PPARGC1A: variants seen among roughly 807,000 people sequenced by gnomAD.
PPARGC1A encodes peroxisome proliferator-activated receptor gamma coactivator 1-alpha.
A neutral mutation model predicts 88.7 loss-of-function variants in PPARGC1A; 25 were observed. The observed-to-expected ratio is 0.28, with a 90% CI of 0.21 to 0.39. The LOEUF (loss-of-function observed/expected upper bound fraction) is 0.39. Among genes scored for constraint, PPARGC1A ranks in the 10% least tolerant of loss-of-function variants. The pLI is 1.00. For missense variants in PPARGC1A, 880 were observed against 968.7 expected (o/e 0.91, Z 1.22); for synonymous variants, 363 against 355.6 (o/e 1.02, Z -0.24).
the PPARGC1A span, among the ~76,000 whole-genome samples, chr4:23,953,703 A>C: frequency 6.6e-6 from 1 of 152,054 alleles, no homozygotes; most frequent in Non-Finnish European, 1.5e-5. Flanking sequence ...TGTCATTACT[A>C]ATGCCCACTG....
chr4:23,966,402 T>G, the PPARGC1A span, among the ~76,000 whole-genome samples: 1 of 152,230 alleles, frequency 6.6e-6, no homozygotes, highest in Non-Finnish European at 1.5e-5. Context: ...TTTTTAATTT[T>G]ATTATAAGTT....
At chr4:24,253,427 A>G in the PPARGC1A span, among the ~76,000 whole-genome samples, 1 of 152,234 alleles carries the variant, frequency 6.6e-6, no homozygotes, top group Admixed American at 6.5e-5. Context: ...ATATATACAG[A>G]AAGAGATATA....
the PPARGC1A span, among the ~76,000 whole-genome samples, chr4:24,217,388 T>C: frequency 6.6e-6 from 1 of 152,126 alleles, no homozygotes; most frequent in African/African-American, 2.4e-5. Context: ...CCAAAGACAC[T>C]AGAATGTGGT....
the PPARGC1A span, among the ~76,000 whole-genome samples, chr4:24,046,001 T>C: frequency 9.2e-5 from 14 of 152,296 alleles, no homozygotes; most frequent in Non-Finnish European, 1.6e-4. Flanking sequence ...TCCTACCACA[T>C]ACTAAGACTT....
In PPARGC1A at chr4:23,795,794, CCT is replaced by C. The variant is rs1252765938; in HGVS notation, c.*26_*27del. 1.3e-6 allele frequency: 2 copies of C among 1,553,864 alleles called. No homozygotes were observed. Among genetic ancestry groups the C allele is most frequent in the Admixed American group, 1.8e-5 (1 of 54,604 alleles). On this transcript the variant is annotated 3_prime_UTR_variant, in exon 13 of 13. Coordinates refer to ENST00000264867, the MANE Select transcript of PPARGC1A (RefSeq NM_013261.5). Reference sequence around the variant, plus strand: ...GCTGTCCCATGAGGTATTCGCCATCCCTCTGTCATCCTCAGCTAGGGAACATG... The same window carrying C: ...GCTGTCCCATGAGGTATTCGCCATCCCTGTCATCCTCAGCTAGGGAACATG...
chr4:23,989,438 C>G, the PPARGC1A span, among the ~76,000 whole-genome samples: 33 of 152,020 alleles, frequency 2.2e-4, no homozygotes, highest in Non-Finnish European at 4.3e-4. Flanking sequence ...ATTATCATAT[C>G]TTATCCCCTT....
At chr4:24,157,247 C>G in the PPARGC1A span, among the ~76,000 whole-genome samples, 1 of 152,186 alleles carries the variant, frequency 6.6e-6, no homozygotes, top group African/African-American at 2.4e-5. Context: ...CCCAGGCCAT[C>G]ATGGGTCAAC....
At chr4:24,259,104 C>CCAAAAAAT in the PPARGC1A span, among the ~76,000 whole-genome samples, 1 of 152,122 alleles carries the variant, frequency 6.6e-6, no homozygotes, top group Non-Finnish European at 1.5e-5. Flanking sequence ...AAAGATGGCA[C>CCAAAAAAT]CTTCAGAAAA....
At chr4:24,265,422 T>C in the PPARGC1A span, among the ~76,000 whole-genome samples, 6 of 152,164 alleles carry the variant, frequency 3.9e-5, no homozygotes, top group South Asian at 4.1e-4. Context: ...CTGCAATAAA[T>C]GGGCCCTTAA....
At position 23,812,693 on chromosome 4, in the gene PPARGC1A, A is replaced by C. The variant is rs1721141994; in HGVS notation, c.2019+54T>G. ...TCTAATCTATCACCAAAAAAAGCAC[A>C]CAGAAAAAGAAGAAACCCTACTTTA... On this transcript the variant is annotated intron_variant, in intron 10 of 12. Coordinates refer to ENST00000264867, the MANE Select transcript of PPARGC1A (RefSeq NM_013261.5). The C allele has an allele frequency of 4.4e-6, 7 of 1,602,114 alleles. No homozygotes were observed. In the Admixed American group the frequency reaches 8.8e-5, roughly 20 times the overall value.
the PPARGC1A span, among the ~76,000 whole-genome samples, chr4:24,269,550 A>C: frequency 1.3e-5 from 2 of 152,208 alleles, no homozygotes; most frequent in Non-Finnish European, 2.9e-5. Context: ...CATCTCAGTC[A>C]CTTTATTTAT....
chr4:24,384,862 G>A, the PPARGC1A span, among the ~76,000 whole-genome samples: 1 of 152,032 alleles, frequency 6.6e-6, no homozygotes, highest in Admixed American at 6.5e-5. Context: ...AGGATATTCA[G>A]GACTTGAACT....
chr4:23,814,843 T>G (rs538939732), intron 7 of PPARGC1A, among the ~76,000 whole-genome samples: 11 of 152,118 alleles, frequency 7.2e-5, no homozygotes, highest in African/African-American at 2.7e-4. Context: ...GCTGTGATCT[T>G]TTGTATTTCA....
At chr4:23,879,920 G>A (rs1302575458) in intron 2 of PPARGC1A, 1 of 150,986 alleles carries the variant, frequency 6.6e-6, no homozygotes, top group East Asian at 1.9e-4. Context: ...CCATTAATAT[G>A]TATTTTACTT....
At chr4:24,003,024 C>G in the PPARGC1A span, among the ~76,000 whole-genome samples, 1 of 152,070 alleles carries the variant, frequency 6.6e-6, no homozygotes, top group Non-Finnish European at 1.5e-5. Flanking sequence ...CTCAGTCGCC[C>G]CAGAGAAATC....
At chr4:24,127,268 G>A in the PPARGC1A span, among the ~76,000 whole-genome samples, 698 of 151,876 alleles carry the variant, frequency 4.6e-3, 3 homozygotes, top group African/African-American at 0.016. Flanking sequence ...CAAGGCCAGA[G>A]TATTTAAAAA....
At chr4:24,028,923 T>C in the PPARGC1A span, among the ~76,000 whole-genome samples, 1 of 152,206 alleles carries the variant, frequency 6.6e-6, no homozygotes, top group African/African-American at 2.4e-5. Flanking sequence ...TTCTATTAAT[T>C]TTATTATATG....
chr4:24,407,682 C>G, the PPARGC1A span, among the ~76,000 whole-genome samples: 1 of 152,220 alleles, frequency 6.6e-6, no homozygotes, highest in Non-Finnish European at 1.5e-5. Context: ...GAGAATTAAA[C>G]AGAAGGCATC....
At position 23,829,570 on chromosome 4, in the gene PPARGC1A, G is replaced by A; in HGVS notation, c.445C>T (p.Leu149=). ...EEPSLLKKLL[L]APANTQLSYN... is the part of the protein sequence containing the mutation. ...CTTAGCTGAGTGTTGGCTGGTGCCA[G>A]TAAGAGCTTCTTAAGCTAGAAACAT... The change falls in exon 4 of 13, where the codon CTG becomes TTG. Residue 149 remains leucine (L), a synonymous_variant. Transcript: ENST00000264867. The A allele has an allele frequency of 6.2e-7, 1 of 1,611,650 alleles. No individual in the cohort carries two copies. Among genetic ancestry groups the A allele is most frequent in the Non-Finnish European group, 8.5e-7 (1 of 1,178,362 alleles).
Sources: gnomAD v4.1 joint callset for allele counts (sites outside exome capture counted in the v4.1 genomes callset) on GRCh38, gnomAD v4.1.1 for gene constraint, MANE v1.5 for transcripts, NCBI Gene and HGNC (gene_info 2026-07-23, HGNC 2026-07-21) for gene names.